Variants in ROBO2 observed in about 807,000 individuals in gnomAD.
ROBO2 encodes the protein roundabout homolog 2.
A neutral mutation model predicts 160.8 loss-of-function variants in ROBO2; 53 were observed. The ratio of observed to expected loss-of-function variants is 0.33; its 90% CI spans 0.26 to 0.41. The LOEUF is 0.41. Ranked by LOEUF, ROBO2 falls within the 10% of genes least tolerant of loss-of-function variation. The pLI, the probability that ROBO2 is intolerant of heterozygous loss-of-function variation, is 1.00. For missense variants in ROBO2, 1,577 were observed against 1,722.4 expected (o/e 0.92, Z 1.49); for synonymous variants, 664 against 611.7 (o/e 1.09, Z -1.26).
Position 77,491,715 on chromosome 3 carries a change from C to T in ROBO2, c.668-1529C>T, listed in dbSNP as rs945651437. Among the ~76,000 whole-genome samples, 12 of 152,066 alleles carry T rather than the reference C, an allele frequency of 7.9e-5. No individual in the cohort carries two copies. In the East Asian group the frequency reaches 9.7e-4, roughly 12 times the overall value. ...GTGTTTTTCTTTAGTTTTTATGGATCGTTTGTCAATTCTGCATTTACAAAA... is the reference window on the plus strand; with the variant it reads ...GTGTTTTTCTTTAGTTTTTATGGATTGTTTGTCAATTCTGCATTTACAAAA... On this transcript the variant is annotated intron_variant, in intron 4 of 25. Coordinates refer to ENST00000461745, the Ensembl canonical transcript of ROBO2.
chr3:76,377,761 T>C (rs1187531402), intron 2 of ROBO2, among the ~76,000 whole-genome samples: 1 of 152,152 alleles, frequency 6.6e-6, no homozygotes, highest in African/African-American at 2.4e-5. Context: ...TTTTCTCTTA[T>C]GAGTAGAAAG....
intron 2 of ROBO2, among the ~76,000 whole-genome samples, chr3:76,967,099 C>T (rs1003059120): frequency 6.6e-6 from 1 of 152,098 alleles, no homozygotes; most frequent in Non-Finnish European, 1.5e-5. Context: ...TACTATTGAA[C>T]CTGTTTTACA....
intron 5 of ROBO2, among the ~76,000 whole-genome samples, chr3:77,493,932 A>G (rs1487807291): frequency 6.6e-6 from 1 of 152,002 alleles, no homozygotes; most frequent in Non-Finnish European, 1.5e-5. Context: ...TCTTTTTTCC[A>G]TCTCTTCATG....
At chr3:76,075,472 AT>A (rs10686575) in intron 2 of ROBO2, among the ~76,000 whole-genome samples, 74 of 143,428 alleles carry the variant, frequency 5.2e-4, no homozygotes, top group South Asian at 3.3e-3. Context: ...GACTTTTCCT[AT>A]TTTTTTTTTT....
Position 76,891,343 on chromosome 3 carries a change from C to A in ROBO2, c.110-206671C>A, listed in dbSNP as rs181073361. The stretch of plus-strand genomic sequence containing the variant: ...TTCTGTATTTTCCTAAGCTGTTGAA[C>A]AATTTAAATAAATTTAAAATTATTA... On this transcript the variant is annotated intron_variant, in intron 2 of 26. Transcript: ENST00000487694. Among the ~76,000 whole-genome samples the A allele has an allele frequency of 4.8e-3, 733 of 152,106 alleles. 5 individuals are homozygous for A. The highest frequency in any genetic ancestry group is 7.4e-3 in the Non-Finnish European group (502 of 68,004).
intron 19 of ROBO2, among the ~76,000 whole-genome samples, chr3:77,598,527 GTA>G (rs3073098): frequency 2.9e-5 from 4 of 139,946 alleles, no homozygotes; most frequent in East Asian, 2.1e-4. Context: ...ATATATATGT[GTA>G]TATATATATA....
chr3:77,527,824 C>T (rs1452555080), intron 6 of ROBO2, among the ~76,000 whole-genome samples: 1 of 151,446 alleles, frequency 6.6e-6, no homozygotes, highest in Non-Finnish European at 1.5e-5. Flanking sequence ...CTACGACTTT[C>T]CACACTTCTT....
chr3:76,328,883 AAT>A (rs10544435), intron 2 of ROBO2, among the ~76,000 whole-genome samples: 125,997 of 144,304 alleles, frequency 0.87, 55,941 homozygotes, highest in Non-Finnish European at 0.98. Flanking sequence ...AACAAAAACA[AAT>A]ATATATATAT....
chr3:76,329,732 G>C (rs2073338612), intron 2 of ROBO2, among the ~76,000 whole-genome samples: 1 of 152,140 alleles, frequency 6.6e-6, no homozygotes, highest in Non-Finnish European at 1.5e-5. Flanking sequence ...AAAAATAATA[G>C]ACATTTTTAA....
At chr3:77,343,493 C>G (rs2067292201) in intron 2 of ROBO2, among the ~76,000 whole-genome samples, 2 of 152,132 alleles carry the variant, frequency 1.3e-5, no homozygotes, top group South Asian at 4.1e-4. Context: ...ATTAATCGCT[C>G]ATGAACCCAC....
chr3:76,722,399 C>A (rs1261830000), intron 2 of ROBO2, among the ~76,000 whole-genome samples: 1 of 152,076 alleles, frequency 6.6e-6, no homozygotes, highest in Non-Finnish European at 1.5e-5. Flanking sequence ...GGACTACAGG[C>A]GTGAACCACC....
At chr3:76,660,871 GT>G (rs991630218) in intron 2 of ROBO2, among the ~76,000 whole-genome samples, 2 of 151,988 alleles carry the variant, frequency 1.3e-5, no homozygotes, top group Non-Finnish European at 2.9e-5. Flanking sequence ...TAAGTACCTA[GT>G]TTTTTTCATC....
intron 2 of ROBO2, among the ~76,000 whole-genome samples, chr3:76,304,739 T>TCC (rs537479218): frequency 6.0e-4 from 50 of 83,284 alleles, no homozygotes; most frequent in Non-Finnish European, 1.1e-3. Flanking sequence ...TTTCTTTTCT[T>TCC]TTCTTTCCTT....
At position 76,243,920 on chromosome 3, in the gene ROBO2, G is replaced by GT. The variant is rs1171562891; in HGVS notation, c.109+306325dup. ...ATTAGCAAAGTAGAGAACAATGTAAGTTTTTTTCTTTTTTTTTAATTTGGG... is the reference window on the plus strand; with the variant it reads ...ATTAGCAAAGTAGAGAACAATGTAAGTTTTTTTTCTTTTTTTTTAATTTGGG... On this transcript the variant is annotated intron_variant, in intron 2 of 26. Transcript: ENST00000487694. 1.1e-4 allele frequency among the ~76,000 whole-genome samples: 16 copies of GT among 151,980 alleles called. No individual in the cohort carries two copies. In the East Asian group the frequency reaches 2.7e-3, roughly 26 times the overall value.
rs191365766 is a variant in ROBO2 at position 76,690,286 on chromosome 3, C to T, written c.110-407728C>T. ...TTGCTATGACCTGAATGTGTCCACC[C>T]GTATTTGTTTTAGAAACTTAATCAC... On this transcript the variant is annotated intron_variant, in intron 2 of 26. Transcript: ENST00000487694. Among the ~76,000 whole-genome samples the T allele has an allele frequency of 1.6e-3, 240 of 152,086 alleles. 3 individuals carry two copies. Among genetic ancestry groups the T allele is most frequent in the African/African-American group, 5.2e-3 (216 of 41,540 alleles).
At chr3:77,188,187 G>T (rs1007623306) in intron 2 of ROBO2, among the ~76,000 whole-genome samples, 5 of 151,778 alleles carry the variant, frequency 3.3e-5, no homozygotes, top group Non-Finnish European at 7.4e-5. Context: ...GATTTGAAAT[G>T]AAGTAGGCTT....
At chr3:77,289,331 C>T (rs1474979637) in intron 2 of ROBO2, among the ~76,000 whole-genome samples, 1 of 151,978 alleles carries the variant, frequency 6.6e-6, no homozygotes, top group African/African-American at 2.4e-5. Flanking sequence ...GCACCAAAGA[C>T]ATAAAGTAAA....
At chr3:76,353,030 T>C (rs2074967656) in intron 2 of ROBO2, among the ~76,000 whole-genome samples, 1 of 152,006 alleles carries the variant, frequency 6.6e-6, no homozygotes, top group African/African-American at 2.4e-5. Context: ...CAATTCTAAC[T>C]TAGCAGTCAC....
intron 2 of ROBO2, among the ~76,000 whole-genome samples, chr3:76,792,463 T>A (rs1321828567): frequency 6.6e-6 from 1 of 151,822 alleles, no homozygotes; most frequent in Non-Finnish European, 1.5e-5. Flanking sequence ...TACGAGCTGT[T>A]ATTTTAATGT....
Sources: gnomAD v4.1 joint callset for allele counts (sites outside exome capture counted in the v4.1 genomes callset) on GRCh38, gnomAD v4.1.1 for gene constraint, MANE v1.5 for transcripts, NCBI Gene and HGNC (gene_info 2026-07-23, HGNC 2026-07-21) for gene names.